Variants in EPHB4 observed in about 807,000 individuals in gnomAD.
EPHB4 encodes the protein ephrin type-B receptor 4.
A neutral mutation model predicts 110.6 loss-of-function variants in EPHB4; 50 were observed. That is an observed-to-expected ratio of 0.45 (90% CI 0.36 to 0.57). The LOEUF (loss-of-function observed/expected upper bound fraction) is 0.57. Ranked by LOEUF, EPHB4 falls within the 20% of genes least tolerant of loss-of-function variation. The pLI is 0.00. For synonymous variants in EPHB4, 592 were observed against 578.4 expected, an observed-to-expected ratio of 1.02 and a Z score of -0.34; for missense variants, 1,128 against 1,382.1, an observed-to-expected ratio of 0.82 and a Z score of 2.91.
chr7:100,805,727 T>A (rs749336179), intron 14 of EPHB4, 33 bp from the exon 15 acceptor site: 10 of 1,404,712 alleles, frequency 7.1e-6, no homozygotes, highest in Non-Finnish European at 9.3e-6. Flanking sequence ...TGGGTGAGGC[T>A]GTCCAGGAAA....
intron 16 of EPHB4, among the ~76,000 whole-genome samples, chr7:100,804,662 G>A (rs753839290): frequency 8.5e-5 from 13 of 152,094 alleles, no homozygotes; most frequent in Non-Finnish European, 1.2e-4. Context: ...TGGGGTGAGA[G>A]GAGATCTTGG....
At chr7:100,823,277 G>A (rs977328686) in intron 3 of EPHB4, among the ~76,000 whole-genome samples, 24 of 152,154 alleles carry the variant, frequency 1.6e-4, no homozygotes, top group African/African-American at 4.8e-4. Flanking sequence ...AGGGGTGTGA[G>A]AGGCAGAGAG....
rs767324545 is a variant in EPHB4, at chr7:100,822,651, G to A, written c.428C>T (p.Ala143Val). The change falls in exon 4 of 17, where the codon GCG becomes GTG. Residue 143 changes from alanine to valine, a missense_variant. By Grantham distance (64) the Ala-to-Val change is moderately conservative. This residue lies in a region of EPHB4 where 728 missense variants were observed against 828.6 expected (regional missense o/e 0.88). Transcript: ENST00000358173. The surrounding 1 kb of genome is among the most constrained non-coding windows in gnomAD (Gnocchi z 4.7). ...NPYIKVDTVA[A>V]EHLTRKRPGA... ...AGGGCGCTTCCGGGTGAGATGCTCC[G>A]CGGCCACCGTGTCCACCTGCCGGCG... 13 of 1,579,686 alleles carry A rather than the reference G, an allele frequency of 8.2e-6. No homozygotes were observed. Among genetic ancestry groups the A allele is most frequent in the African/African-American group, 4.0e-5 (3 of 74,304 alleles).
In EPHB4 at chr7:100,822,012, T is replaced by C. The variant is rs2553020; in HGVS notation, c.808+259A>G. Among the ~76,000 whole-genome samples, 34,197 of 151,942 alleles carry C rather than the reference T, an allele frequency of 0.23. 4,798 individuals carry two copies. The highest frequency in any genetic ancestry group is 0.57 in the East Asian group (2,931 of 5,122). ...CCCGTCTCTACTAAAATACAAAAAT[T>C]AGCCGGGCGTGGTGGCGTGTGCCTG... On this transcript the variant is annotated intron_variant, in intron 4 of 16. Coordinates refer to ENST00000358173, the MANE Select transcript of EPHB4 (RefSeq NM_004444.5). The surrounding 1 kb of genome is among the most constrained non-coding windows in gnomAD (Gnocchi z 4.7).
chr7:100,816,762 C>A (rs1031999917), intron 8 of EPHB4, among the ~76,000 whole-genome samples: 15 of 152,004 alleles, frequency 9.9e-5, no homozygotes, highest in African/African-American at 3.6e-4. Flanking sequence ...TAGGGCATGC[C>A]ATGTGATCCA....
Position 100,826,999 on chromosome 7 carries a change from G to A in EPHB4, c.32C>T (p.Ser11Leu). The A allele has an allele frequency of 6.3e-7, 1 of 1,575,730 alleles. No individual in the cohort carries two copies. The highest frequency in any genetic ancestry group is 1.2e-5 in the South Asian group (1 of 86,190). Reference sequence around the variant, plus strand: ...CTCACCTTCCAAAGCTGCGGCCAACGAAGCCCAGCAGAGCAGCACCCGGAG... The same window carrying A: ...CTCACCTTCCAAAGCTGCGGCCAACAAAGCCCAGCAGAGCAGCACCCGGAG... MELRVLLCWASLAAALEETLL... is the reference protein window; with the variant it reads MELRVLLCWALLAAALEETLL... The change falls in exon 1 of 17, where the codon TCG becomes TTG. Residue 11 changes from serine (S) to leucine (L), a missense_variant. Ser to Leu is a moderately radical substitution (Grantham distance 145). Around this residue, in one of 3 missense-constraint regions of EPHB4, gnomAD observed 728 missense variants for 828.6 expected, o/e 0.88. Transcript: ENST00000358173.
In EPHB4 at chr7:100,817,165, C is replaced by T. The variant is rs116672851; in HGVS notation, c.1588+27G>A. 3.3e-3 allele frequency: 5,001 copies of T among 1,495,346 alleles called. 154 individuals are homozygous for T. The African/African-American group carries it at 0.064, about 19-fold the overall frequency. 92.6% of individuals were successfully genotyped at this position (1,495,346 alleles called of 1,614,324 possible). A position where few individuals can be genotyped will look rare whatever the true frequency, so the allele number is the denominator to read the frequency against. On this transcript the variant is annotated intron_variant, in intron 8 of 16. Transcript: ENST00000358173. Reference sequence around the variant, plus strand: ...GAACTTTGGGGGTCTTTCCAACCCCCACCCTCACCCCCTTCCCCAGGCTCA... The same window carrying T: ...GAACTTTGGGGGTCTTTCCAACCCCTACCCTCACCCCCTTCCCCAGGCTCA...
In EPHB4 at chr7:100,818,578, GC is replaced by G; in HGVS notation, c.1363del (p.Ala455LeufsTer31). On this transcript the variant is annotated frameshift_variant, in exon 7 of 17. Coordinates refer to ENST00000358173, the MANE Select transcript of EPHB4 (RefSeq NM_004444.5). LOFTEE classifies it high-confidence loss of function. ...AGCCCCACTGGGTGCCCGGGGAACAGCCCAGGCCAGGCTCAAGCTGCTGGGT... is the reference window on the plus strand; with the variant it reads ...AGCCCCACTGGGTGCCCGGGGAACAGCCAGGCCAGGCTCAAGCTGCTGGGT... ...SSPSSLSLAW[A>X]VPRAPSGAVL... The G allele has an allele frequency of 6.2e-7, 1 of 1,613,838 alleles. No individual in the cohort carries two copies. The highest frequency in any genetic ancestry group is 8.5e-7 in the Non-Finnish European group (1 of 1,180,034).
intron 12 of EPHB4, among the ~76,000 whole-genome samples, chr7:100,808,423 C>T (rs1292012189): frequency 6.6e-6 from 1 of 152,092 alleles, no homozygotes; most frequent in East Asian, 1.9e-4. Flanking sequence ...TATGGGGTCT[C>T]ACTGTGTTTC....
chr7:100,805,736 A>G, intron 14 of EPHB4, 42 bp from the exon 15 acceptor site: 1 of 1,396,710 alleles, frequency 7.2e-7, no homozygotes, highest in Non-Finnish European at 9.3e-7. Context: ...CTGTCCAGGA[A>G]AAGCAAAGAT....
rs1813259321 is a variant in EPHB4 at position 100,822,454 on chromosome 7, C to G, written c.625G>C (p.Glu209Gln). The change falls in exon 4 of 17, where the codon GAG (glutamate) becomes CAG (glutamine). Residue 209 changes from glutamate (E) to glutamine (Q), a missense_variant. Glu to Gln is a conservative substitution (Grantham distance 29). Transcript: ENST00000358173. This position sits in a 1 kb window ranked among gnomAD's most constrained non-coding sequence, Gnocchi z 4.7. ...QLTVNLTRFP[E>Q]TVPRELVVPV... ...ACAACCAGCTCCCGAGGCACAGTCT[C>G]CGGGAATCGAGTCAGGTTCACAGTC... is the stretch of plus-strand genomic sequence containing the variant. 6.2e-7 allele frequency: 1 copy of G among 1,607,816 alleles called. No homozygotes were observed. The highest frequency in any genetic ancestry group is 1.7e-4 in the Middle Eastern group (1 of 6,052).
At chr7:100,808,184 C>T (rs1375163929) in intron 12 of EPHB4, among the ~76,000 whole-genome samples, 1 of 152,158 alleles carries the variant, frequency 6.6e-6, no homozygotes, top group African/African-American at 2.4e-5. Context: ...TGGTACACTG[C>T]TTTATACCCA....
rs184730214 is a variant in EPHB4 at position 100,803,100 on chromosome 7, C to T, written c.*361G>A. 2.4e-5 allele frequency: 4 copies of T among 168,414 alleles called. No homozygotes were observed. Among genetic ancestry groups the T allele is most frequent in the African/African-American group, 7.1e-5 (3 of 42,090 alleles). 10.4% of individuals were successfully genotyped at this position (168,414 alleles called of 1,614,324 possible). ...TTCTTGCCCCCTGGGACAGCCCCCC[C>T]ACTCTGGAGCTGGCAAGGGAGTCAC... On this transcript the variant is annotated 3_prime_UTR_variant, in exon 17 of 17. Coordinates refer to ENST00000358173, the MANE Select transcript of EPHB4 (RefSeq NM_004444.5).
chr7:100,813,183 G>A lies in EPHB4; in HGVS notation c.1782C>T (p.Phe594=), dbSNP rs1271550130. 6.2e-7 allele frequency: 1 copy of A among 1,605,506 alleles called. No individual in the cohort carries two copies. Among genetic ancestry groups the A allele is most frequent in the Non-Finnish European group, 8.5e-7 (1 of 1,179,970 alleles). ...GHGTKVYIDP[F]TYEDPNEAVR... Reference sequence around the variant, plus strand: ...CAGCCTCATTAGGGTCTTCATAAGTGAAGGGGTCGATGTAGACCTTAGTAC... The same window carrying A: ...CAGCCTCATTAGGGTCTTCATAAGTAAAGGGGTCGATGTAGACCTTAGTAC... The change falls in exon 11 of 17, where the codon TTC becomes TTT. Residue 594 remains phenylalanine (F), a synonymous_variant. Transcript: ENST00000358173.
At chr7:100,807,720 C>G in intron 12 of EPHB4, 140 bp from the exon 13 acceptor site, 1 of 783,646 alleles carries the variant, frequency 1.3e-6, no homozygotes. Context: ...TAGCTCACTG[C>G]AGCCTCAACC....
chr7:100,808,847 C>T lies in EPHB4; in HGVS notation c.2119-1267G>A, dbSNP rs558850347. Among the ~76,000 whole-genome samples the T allele has an allele frequency of 2.0e-5, 3 of 152,344 alleles. No individual in the cohort carries two copies. The East Asian group carries it at 5.8e-4, about 29-fold the overall frequency. On this transcript the variant is annotated intron_variant, in intron 12 of 16. Transcript: ENST00000358173. ...TCCATCCTCCAGACCTGCACCTGCC[C>T]TACTCCCCGCTCAGTTTGTGGCAAC...
chr7:100,807,231 T>TA, intron 13 of EPHB4, 134 bp downstream of exon 13: 1 of 853,732 alleles, frequency 1.2e-6, no homozygotes, highest in Non-Finnish European at 1.8e-6. Flanking sequence ...GAGCTGACTG[T>TA]CCCCCCACCC....
At chr7:100,824,926 G>C (rs926022279) in intron 1 of EPHB4, 1 of 152,550 alleles carries the variant, frequency 6.6e-6, no homozygotes, top group African/African-American at 2.4e-5. Context: ...GGAAGGCAGA[G>C]GGGAGGAGAT....
At chr7:100,806,386 C>T (rs1812817641) in intron 14 of EPHB4, 34 bp downstream of exon 14, 19 of 1,592,788 alleles carry the variant, frequency 1.2e-5, no homozygotes, top group East Asian at 2.3e-5. Flanking sequence ...AGAGAACACT[C>T]GAGGAAAGCT....
Sources: allele counts gnomAD v4.1 joint callset (sites outside exome capture counted in the v4.1 genomes callset), GRCh38; gene constraint gnomAD v4.1.1; regional missense constraint gnomAD v4.1.1; non-coding constraint Gnocchi (gnomAD v3.1); transcripts MANE v1.5; gene names NCBI Gene and HGNC (gene_info 2026-07-23, HGNC 2026-07-21).